NDUFS5: variants seen among roughly 807,000 people sequenced by gnomAD.
The protein encoded by NDUFS5 is NADH dehydrogenase [ubiquinone] iron-sulfur protein 5.
Under a neutral mutation model 10.5 loss-of-function variants are expected in NDUFS5, and 7 were observed. The ratio of observed to expected loss-of-function variants is 0.66; its 90% confidence interval spans 0.38 to 1.25. NDUFS5 has a LOEUF of 1.25. Among genes scored for constraint, NDUFS5 ranks in the 50% most tolerant of loss-of-function variants. The probability of loss-of-function intolerance (pLI) is 0.02; values close to 1 mark genes in which losing one functional copy is unlikely to be tolerated. For synonymous variants in NDUFS5, 38 were observed against 44.0 expected, an observed-to-expected ratio of 0.86 and a Z score of 0.54; for missense variants, 148 against 140.7, an observed-to-expected ratio of 1.05 and a Z score of -0.26.
chr1:39,033,907 TCTC>T (rs1644210604), intron 2 of NDUFS5, among the ~76,000 whole-genome samples: 1 of 151,696 alleles, frequency 6.6e-6, no homozygotes, highest in South Asian at 2.1e-4. Context: ...TTCAAGCAAT[TCTC>T]CTGCCTCAGC....
intron 1 of NDUFS5, among the ~76,000 whole-genome samples, chr1:39,028,183 G>A (rs906735730): frequency 6.8e-6 from 1 of 147,090 alleles, no homozygotes; most frequent in Admixed American, 6.9e-5. Flanking sequence ...TGTAATCCCA[G>A]CACTTTGGGA....
chr1:39,026,672 T>C (rs1471956388), intron 1 of NDUFS5, among the ~76,000 whole-genome samples: 1 of 152,232 alleles, frequency 6.6e-6, no homozygotes, highest in Non-Finnish European at 1.5e-5. Flanking sequence ...CTACGATCCT[T>C]ATCCCAGCTT....
chr1:39,028,827 G>A lies in NDUFS5; in HGVS notation c.103G>A (p.Ala35Thr). 6.2e-7 allele frequency: 1 copy of A among 1,614,114 alleles called. No individual in the cohort carries two copies. Residue 35 changes from alanine (A) to threonine (T), a missense_variant, in exon 2 of 3, where the codon GCT (alanine) becomes ACT (threonine). By Grantham distance (58) the Ala-to-Thr change is moderately conservative (BLOSUM62 0). Transcript: ENST00000372969. The part of the protein sequence containing the change: ...QPYKMAGRCH[A>T]FEKEWIECAH... ...CTACAAGATGGCTGGTCGATGCCAT[G>A]CTTTTGAAAAAGAATGGATAGAATG... is the stretch of plus-strand genomic sequence containing the variant.
At chr1:39,029,830 C>T (rs1230716724) in intron 2 of NDUFS5, among the ~76,000 whole-genome samples, 4 of 152,218 alleles carry the variant, frequency 2.6e-5, no homozygotes, top group East Asian at 1.9e-4. Flanking sequence ...CGGTGGCTCA[C>T]GCCTGTAATC....
intron 2 of NDUFS5, among the ~76,000 whole-genome samples, chr1:39,032,475 T>C (rs1262569589): frequency 1.3e-5 from 2 of 152,204 alleles, no homozygotes; most frequent in African/African-American, 2.4e-5. Context: ...ACACTACTTC[T>C]TTAAGGTTAA....
At chr1:39,034,090 A>T (rs2148085426) in intron 2 of NDUFS5, among the ~76,000 whole-genome samples, 1 of 152,232 alleles carries the variant, frequency 6.6e-6, no homozygotes, top group Admixed American at 6.5e-5. Context: ...TTGATATTTT[A>T]AAAGATTTTA....
At chr1:39,029,749 C>T (rs779825683) in intron 2 of NDUFS5, among the ~76,000 whole-genome samples, 5 of 152,126 alleles carry the variant, frequency 3.3e-5, no homozygotes, top group Non-Finnish European at 7.3e-5. Flanking sequence ...GCGTGAACAA[C>T]GATGCAGTGG....
intron 2 of NDUFS5, 122 bp downstream of exon 2, chr1:39,029,062 G>A (rs971025769): frequency 2.4e-5 from 21 of 869,868 alleles, no homozygotes; most frequent in African/African-American, 5.2e-5. Context: ...GCGCCACCTC[G>A]TCTCACTGTA....
intron 2 of NDUFS5, among the ~76,000 whole-genome samples, chr1:39,031,259 CATTGGCCTCCCA>C (rs1644188972): frequency 1.3e-5 from 2 of 152,090 alleles, no homozygotes; most frequent in Admixed American, 6.6e-5. Flanking sequence ...AGCGATCCCA[CATTGGCCTCCCA>C]AAGTGCTGGA....
At chr1:39,027,596 TGAGACAGGATCTCGC>T (rs1644159492) in intron 1 of NDUFS5, among the ~76,000 whole-genome samples, 6 of 144,630 alleles carry the variant, frequency 4.1e-5, no homozygotes, top group Non-Finnish European at 4.6e-5. Flanking sequence ...TTTTTTTTTT[TGAGACAGGATCTCGC>T]TTTGTTGCCC....
rs186853463 is a variant in NDUFS5 at position 39,028,158 on chromosome 1, G to A, written c.-2-565G>A. ...TTTAAAAAAAAAATTTAGGCCAGGT[G>A]CAGTGGCTCACACCTGTAATCCCAG... On this transcript the variant is annotated intron_variant, in intron 1 of 2. Transcript: ENST00000372969. Among the ~76,000 whole-genome samples, 468 of 148,056 alleles carry A rather than the reference G, an allele frequency of 3.2e-3. 2 individuals carry two copies. The highest frequency in any genetic ancestry group is 6.0e-3 in the Admixed American group (88 of 14,762).
chr1:39,027,677 C>T (rs1644160298), intron 1 of NDUFS5, among the ~76,000 whole-genome samples: 1 of 134,540 alleles, frequency 7.4e-6, no homozygotes, highest in African/African-American at 2.7e-5. Flanking sequence ...CTCCTGGCCT[C>T]AGTCTCCTGC....
Position 39,034,533 on chromosome 1 carries a change from T to C in NDUFS5, c.*37T>C, listed in dbSNP as rs753657678. On this transcript the variant is annotated 3_prime_UTR_variant, in exon 3 of 3. Transcript: ENST00000372969. ...GCTGATGTCTGGAGGCTGATTTTCC[T>C]GTTCTCTGTTCTCCACTGGAAAGGT... The C allele has an allele frequency of 2.6e-6, 4 of 1,557,758 alleles. No homozygotes were observed. The East Asian group carries it at 6.7e-5, about 26-fold the overall frequency.
chr1:39,033,596 G>A (rs1204294546), intron 2 of NDUFS5, among the ~76,000 whole-genome samples: 65 of 142,414 alleles, frequency 4.6e-4, no homozygotes, highest in Middle Eastern at 7.9e-3. Flanking sequence ...CCGCCTCCCG[G>A]GTTCAAGCGA....
rs1335158009 is a variant in NDUFS5 at position 39,026,386 on chromosome 1, G to T, written c.-19G>T. On this transcript the variant is annotated 5_prime_UTR_variant, in exon 1 of 3. Coordinates refer to ENST00000372969, the MANE Select transcript of NDUFS5 (RefSeq NM_004552.3). The stretch of plus-strand genomic sequence containing the variant: ...AGCGGCGGCCAGAGAAGAGTCAAGG[G>T]CACGAGCATCGGGTAGGTAGGGGCT... The T allele has an allele frequency of 1.3e-5, 2 of 152,216 alleles. No homozygotes were observed. Among genetic ancestry groups the T allele is most frequent in the African/African-American group, 4.8e-5 (2 of 41,434 alleles). The allele number at this position is 152,216 out of a possible 1,614,324, so 9.4% of individuals were successfully genotyped here.
intron 1 of NDUFS5, among the ~76,000 whole-genome samples, chr1:39,026,637 G>A (rs1644150772): frequency 6.6e-6 from 1 of 152,156 alleles, no homozygotes. Context: ...CTAATGTTTT[G>A]GCTTTCTGTT....
At chr1:39,031,729 G>A (rs940458759) in intron 2 of NDUFS5, among the ~76,000 whole-genome samples, 6 of 152,166 alleles carry the variant, frequency 3.9e-5, no homozygotes, top group African/African-American at 7.2e-5. Flanking sequence ...GAATAGATAA[G>A]TTACCATTTT....
chr1:39,026,573 G>T (rs929465897), intron 1 of NDUFS5, among the ~76,000 whole-genome samples, 171 bp downstream of exon 1: 1 of 152,184 alleles, frequency 6.6e-6, no homozygotes, highest in South Asian at 2.1e-4. Flanking sequence ...TGGCACCGAA[G>T]CCTGGAGATT....
intron 2 of NDUFS5, among the ~76,000 whole-genome samples, chr1:39,033,218 T>C (rs1644202099): frequency 6.6e-6 from 1 of 152,060 alleles, no homozygotes; most frequent in Admixed American, 6.6e-5. Context: ...TCATATTGGC[T>C]ATTTCTGCTT....
Sources: gnomAD v4.1 joint callset for allele counts (sites outside exome capture counted in the v4.1 genomes callset) on GRCh38, gnomAD v4.1.1 for gene constraint, MANE v1.5 for transcripts, NCBI Gene and HGNC (gene_info 2026-07-23, HGNC 2026-07-21) for gene names.